The following TP63 variants were observed in gnomAD, a reference collection of about 807,000 sequenced individuals.
TP63 encodes the protein tumor protein p63, also known as tumor protein 63.
A neutral mutation model predicts 82.8 loss-of-function variants in TP63; 17 were observed. That is an observed-to-expected ratio of 0.21 (90% confidence interval 0.14 to 0.31). The LOEUF (loss-of-function observed/expected upper bound fraction) is 0.31, where lower values mean the gene tolerates loss of function less well. Ranked by LOEUF, TP63 falls within the 10% of genes least tolerant of loss-of-function variation. The pLI is 1.00. For synonymous variants in TP63, 330 were observed against 321.7 expected, an observed-to-expected ratio of 1.03 and a Z score of -0.28; for missense variants, 648 against 895.3, an observed-to-expected ratio of 0.72 and a Z score of 3.52.
At chr3:189,851,484 A>T (rs1715624044) in intron 4 of TP63, among the ~76,000 whole-genome samples, 1 of 152,234 alleles carries the variant, frequency 6.6e-6, no homozygotes, top group South Asian at 2.1e-4. Flanking sequence ...CTGAGGCAGG[A>T]GAATCACTTG....
chr3:189,612,036 A>G, the TP63 span, among the ~76,000 whole-genome samples: 3 of 152,144 alleles, frequency 2.0e-5, no homozygotes, highest in African/African-American at 7.2e-5. Context: ...GGCTGAGCAT[A>G]TAGGATTTTC....
intron 4 of TP63, among the ~76,000 whole-genome samples, chr3:189,860,320 CT>C (rs1230358484): frequency 2.0e-5 from 3 of 152,078 alleles, no homozygotes; most frequent in African/African-American, 7.2e-5. Context: ...TAAAATCTTG[CT>C]GTAAATCAGA....
chr3:189,661,384 T>C (rs1306248104), intron 1 of TP63, among the ~76,000 whole-genome samples: 1 of 152,108 alleles, frequency 6.6e-6, no homozygotes, highest in Non-Finnish European at 1.5e-5. Context: ...TTAATTGATT[T>C]GTATATGTTG....
At chr3:189,696,431 C>G (rs560096280) in intron 1 of TP63, among the ~76,000 whole-genome samples, 1 of 152,066 alleles carries the variant, frequency 6.6e-6, no homozygotes, top group South Asian at 2.1e-4. Flanking sequence ...TATACCACAA[C>G]GTATTCATTC....
intron 3 of TP63, among the ~76,000 whole-genome samples, chr3:189,791,974 ATGAAAAAGGCATAAAACTCCCTGTAAGAG>A (rs1191715657): frequency 2.6e-5 from 4 of 152,134 alleles, no homozygotes; most frequent in Admixed American, 6.6e-5. Flanking sequence ...TAGATTAAAA[ATGAAAAAGGCATAAAACTCCCTGTAAGAG>A]TGAAAATTAT....
rs192178883 is a variant in TP63 at position 189,727,503 on chromosome 3, A to G, written c.63-10237A>G. On this transcript the variant is annotated intron_variant, in intron 1 of 13. Coordinates refer to ENST00000264731, the MANE Select transcript of TP63 (RefSeq NM_003722.5). ...CACTGTTAATAAGTTAAGAGTTTGG[A>G]CTAGATGACTTAAGGTACTTCCAAC... Among the ~76,000 whole-genome samples, 103 of 152,300 alleles carry G rather than the reference A, an allele frequency of 6.8e-4. 1 individual carries two copies. Among genetic ancestry groups the G allele is most frequent in the African/African-American group, 2.1e-3 (88 of 41,570 alleles).
intron 3 of TP63, among the ~76,000 whole-genome samples, chr3:189,801,210 T>C (rs1172739321): frequency 6.6e-6 from 1 of 152,204 alleles, no homozygotes; most frequent in Non-Finnish European, 1.5e-5. Flanking sequence ...ATTTTATTAC[T>C]ATGTACTTTC....
chr3:189,841,585 C>A (rs919841719), intron 4 of TP63, among the ~76,000 whole-genome samples: 1 of 152,192 alleles, frequency 6.6e-6, no homozygotes. Flanking sequence ...AGCCACAAAT[C>A]TACCAGGAAA....
intron 4 of TP63, among the ~76,000 whole-genome samples, chr3:189,850,296 C>T (rs531967793): frequency 2.6e-5 from 4 of 151,946 alleles, no homozygotes; most frequent in African/African-American, 7.2e-5. Flanking sequence ...TACCCCTTCC[C>T]CCACCGCCAC....
chr3:189,814,043 A>G (rs1352650678), intron 4 of TP63, among the ~76,000 whole-genome samples: 1 of 152,204 alleles, frequency 6.6e-6, no homozygotes, highest in Non-Finnish European at 1.5e-5. Context: ...AGTTCCCGGG[A>G]GAGTTCCATT....
intron 3 of TP63, among the ~76,000 whole-genome samples, chr3:189,750,592 C>A (rs944573126): frequency 5.4e-4 from 80 of 148,578 alleles, no homozygotes; most frequent in African/African-American, 1.9e-3. Flanking sequence ...ATCCCATGAA[C>A]ATGTAAAATA....
intron 1 of TP63, among the ~76,000 whole-genome samples, chr3:189,730,281 T>C (rs980124014): frequency 6.6e-5 from 10 of 152,202 alleles, no homozygotes; most frequent in Admixed American, 3.3e-4. Flanking sequence ...TCTGGCAACA[T>C]TGAGAATCTG....
chr3:189,802,954 G>A (rs1726475698), intron 3 of TP63, among the ~76,000 whole-genome samples: 1 of 152,100 alleles, frequency 6.6e-6, no homozygotes, highest in South Asian at 2.1e-4. Context: ...TTGCTATAGT[G>A]TCATAAATTT....
intron 3 of TP63, among the ~76,000 whole-genome samples, chr3:189,801,214 T>C (rs953823098): frequency 3.9e-5 from 6 of 152,212 alleles, no homozygotes; most frequent in African/African-American, 1.4e-4. Flanking sequence ...TATTACTATG[T>C]ACTTTCTTCT....
intron 1 of TP63, among the ~76,000 whole-genome samples, chr3:189,713,639 G>A (rs921007087): frequency 2.6e-5 from 4 of 152,040 alleles, no homozygotes; most frequent in Non-Finnish European, 4.4e-5. Context: ...TCAAAAAAGT[G>A]TTATATATAC....
chr3:189,896,399 A>G lies in TP63; in HGVS notation c.*1897A>G, dbSNP rs1721476734. ...ATTTAGTAAGAATACCACATCAAAT[A>G]AGAAATAATGCTACAATTTTAAGAG... On this transcript the variant is annotated 3_prime_UTR_variant, in exon 14 of 14. Coordinates refer to ENST00000264731, the MANE Select transcript of TP63 (RefSeq NM_003722.5). 5.0e-6 allele frequency: 1 copy of G among 199,400 alleles called. No individual in the cohort carries two copies. 12.4% of individuals were successfully genotyped at this position (199,400 alleles called of 1,614,324 possible). A position where few individuals can be genotyped will look rare whatever the true frequency, so the allele number is the denominator to read the frequency against.
At chr3:189,767,072 A>G (rs2108549459) in intron 3 of TP63, among the ~76,000 whole-genome samples, 1 of 152,336 alleles carries the variant, frequency 6.6e-6, no homozygotes, top group East Asian at 1.9e-4. Context: ...ATCTTGCCAT[A>G]TAACAAATCT....
intron 1 of TP63, among the ~76,000 whole-genome samples, chr3:189,711,415 G>A (rs1219219240): frequency 6.6e-6 from 1 of 152,134 alleles, no homozygotes; most frequent in Non-Finnish European, 1.5e-5. Flanking sequence ...GTAAGACAAG[G>A]CTGCTAATAC....
chr3:189,730,160 AC>A (rs1469249557), intron 1 of TP63, among the ~76,000 whole-genome samples: 1 of 152,168 alleles, frequency 6.6e-6, no homozygotes, highest in East Asian at 1.9e-4. Flanking sequence ...GTTTTGAATC[AC>A]TTTTATCTAA....
Sources: gnomAD v4.1 joint callset for allele counts (sites outside exome capture counted in the v4.1 genomes callset) on GRCh38, gnomAD v4.1.1 for gene constraint, MANE v1.5 for transcripts, NCBI Gene and HGNC (gene_info 2026-07-23, HGNC 2026-07-21) for gene names.